Variants in FCHO1 observed in about 807,000 individuals in gnomAD.
The protein encoded by FCHO1 is F-BAR domain only protein 1.
A neutral mutation model predicts 114.4 loss-of-function variants in FCHO1; 45 were observed. The observed-to-expected ratio is 0.39, with a 90% CI of 0.31 to 0.50. The LOEUF is 0.50. Among genes scored for constraint, FCHO1 ranks in the 20% least tolerant of loss-of-function variants. The pLI is 0.77. For synonymous variants in FCHO1, 480 were observed against 488.9 expected, an observed-to-expected ratio of 0.98 and a Z score of 0.24; for missense variants, 1,042 against 1,209.6, an observed-to-expected ratio of 0.86 and a Z score of 2.06.
intron 23 of FCHO1, 136 bp from the exon 24 acceptor site, chr19:17,782,881 C>T (rs1179227634): frequency 2.1e-5 from 20 of 936,964 alleles, no homozygotes; most frequent in Middle Eastern, 4.6e-4. Flanking sequence ...GGAAAGGATA[C>T]GGGGGATCAT....
rs201279364 is a variant in FCHO1, at chr19:17,776,169, G to T, written c.1182+8G>T. The T allele has an allele frequency of 3.1e-6, 5 of 1,614,020 alleles. No homozygotes were observed. The Admixed American group carries it at 6.7e-5, about 22-fold the overall frequency. On this transcript the variant is annotated splice_region_variant and intron_variant, in intron 16 of 28. Transcript: ENST00000596536. This position sits in a 1 kb window ranked among gnomAD's most constrained non-coding sequence, Gnocchi z 4.4. ...CTTCCTCCTGGCCCAGGGGTGAGGC[G>T]TGGGAGGGGTGCCCTGGGTGTTGCT...
chr19:17,774,134 C>T, intron 11 of FCHO1, 105 bp from the exon 12 acceptor site: 2 of 1,039,872 alleles, frequency 1.9e-6, no homozygotes, highest in South Asian at 2.6e-5. Context: ...GTCTTGAACT[C>T]CTGACCTCAG....
chr19:17,771,658 G>A (rs557070661), intron 9 of FCHO1, among the ~76,000 whole-genome samples: 1 of 151,530 alleles, frequency 6.6e-6, no homozygotes, highest in Non-Finnish European at 1.5e-5. Context: ...GACAGAGCGA[G>A]ACTCTGTCTC....
In FCHO1 at chr19:17,787,785, G is replaced by C; in HGVS notation, c.2586G>C (p.Val862=). The C allele has an allele frequency of 1.2e-6, 2 of 1,612,918 alleles. No homozygotes were observed. Among genetic ancestry groups the C allele is most frequent in the Non-Finnish European group, 1.7e-6 (2 of 1,179,734 alleles). ...FTSEGTTLSG[V]DLELVGSGYR... ...GCGAGGGGACCACTCTGTCGGGCGT[G>C]GACTTGGAACTGGTGGGCAGCGGTT... Residue 862 remains valine, a synonymous_variant, in exon 28 of 29, where the codon GTG becomes GTC. Coordinates refer to ENST00000596536, the MANE Select transcript of FCHO1 (RefSeq NM_015122.3).
chr19:17,773,553 A>G (rs2092089150), intron 11 of FCHO1, among the ~76,000 whole-genome samples: 2 of 151,820 alleles, frequency 1.3e-5, no homozygotes, highest in Non-Finnish European at 2.9e-5. Context: ...CACACCTTCC[A>G]TGGCTCCCCA....
At chr19:17,780,161 CTT>C (rs11400972) in intron 20 of FCHO1, among the ~76,000 whole-genome samples, 1 of 103,394 alleles carries the variant, frequency 9.7e-6, no homozygotes, top group Non-Finnish European at 1.9e-5. Flanking sequence ...AGAAGAAGCT[CTT>C]TTTTTTTTTT....
At chr19:17,787,220 T>G in intron 27 of FCHO1, among the ~76,000 whole-genome samples, 1 of 73,952 alleles carries the variant, frequency 1.4e-5, no homozygotes, top group African/African-American at 6.2e-5. Flanking sequence ...CGAGACTCTG[T>G]CTCAAAAAAA....
chr19:17,786,233 T>C (rs1215969658), intron 26 of FCHO1, among the ~76,000 whole-genome samples: 1 of 151,948 alleles, frequency 6.6e-6, no homozygotes, highest in Non-Finnish European at 1.5e-5. Context: ...CTCAGGAGGC[T>C]GAGGGAGGAG....
intron 7 of FCHO1, among the ~76,000 whole-genome samples, chr19:17,768,449 T>C (rs1175635290): frequency 6.6e-6 from 1 of 151,892 alleles, no homozygotes; most frequent in Non-Finnish European, 1.5e-5. Flanking sequence ...CCCAGCACTT[T>C]GGGAAGTTGA....
intron 7 of FCHO1, 23 bp from the exon 8 acceptor site, chr19:17,770,402 T>G (rs1239819382): frequency 6.3e-7 from 1 of 1,589,340 alleles, no homozygotes; most frequent in African/African-American, 1.3e-5. Flanking sequence ...AGTCTACCCA[T>G]GAAATCCCCT....
At chr19:17,771,789 A>G (rs2091652260) in intron 9 of FCHO1, among the ~76,000 whole-genome samples, 1 of 152,176 alleles carries the variant, frequency 6.6e-6, no homozygotes, top group Admixed American at 6.6e-5. Flanking sequence ...GTGCTCAAAT[A>G]GTGCTGGCAG....
At chr19:17,781,843 G>A in intron 23 of FCHO1, 23 bp downstream of exon 23, 2 of 1,504,462 alleles carry the variant, frequency 1.3e-6, no homozygotes, top group Middle Eastern at 1.8e-4. Flanking sequence ...GGGCAGACAG[G>A]GCCCGTGGGA....
chr19:17,765,832 G>A (rs897348159), intron 6 of FCHO1, among the ~76,000 whole-genome samples: 2 of 151,484 alleles, frequency 1.3e-5, no homozygotes, highest in African/African-American at 4.9e-5. Flanking sequence ...CTTCTGCTGA[G>A]TGGGGCAGGC....
rs2093702262 is a variant in FCHO1, at chr19:17,784,562, GGAAACCTGGT to G, written c.2227-161_2227-152del. Among the ~76,000 whole-genome samples the G allele has an allele frequency of 6.6e-6, 1 of 152,164 alleles. No homozygotes were observed. Among genetic ancestry groups the G allele is most frequent in the Admixed American group, 6.5e-5 (1 of 15,270 alleles). On this transcript the variant is annotated intron_variant, in intron 25 of 28. Coordinates refer to ENST00000596536, the MANE Select transcript of FCHO1 (RefSeq NM_015122.3). The surrounding 1 kb of genome is among the most constrained non-coding windows in gnomAD (Gnocchi z 5.3). ...ATGAGGCGCTCTCCTGCCCCCTGCTGGAAACCTGGTGTAATACAGCCTCTCATCCATCAAA... is the reference window on the plus strand; with the variant it reads ...ATGAGGCGCTCTCCTGCCCCCTGCTGGTAATACAGCCTCTCATCCATCAAA...
chr19:17,778,529 G>A, intron 19 of FCHO1, 80 bp from the exon 20 acceptor site: 2 of 1,438,946 alleles, frequency 1.4e-6, no homozygotes, highest in South Asian at 1.4e-5. Flanking sequence ...TTCCCTCGAC[G>A]TGGCCGTGGC....
Position 17,784,590 on chromosome 19 carries a change from C to A in FCHO1, c.2227-135C>A. On this transcript the variant is annotated intron_variant, in intron 25 of 28. Transcript: ENST00000596536. The surrounding 1 kb of genome is among the most constrained non-coding windows in gnomAD (Gnocchi z 5.3). ...AACCTGGTGTAATACAGCCTCTCAT[C>A]CATCAAATCTCCCTGTGACTGGACC... is the stretch of plus-strand genomic sequence containing the variant. 1 of 839,892 alleles carries A rather than the reference C, an allele frequency of 1.2e-6. No individual in the cohort carries two copies. The highest frequency in any genetic ancestry group is 1.4e-5 in the South Asian group (1 of 68,976). The allele number at this position is 839,892 out of a possible 1,614,324, so 52.0% of individuals were successfully genotyped here.
chr19:17,780,931 CT>C (rs1409664853), intron 20 of FCHO1, among the ~76,000 whole-genome samples: 8 of 152,222 alleles, frequency 5.3e-5, no homozygotes, highest in African/African-American at 1.9e-4. Context: ...TAAAAATCCT[CT>C]GCTGAACCCC....
At chr19:17,756,926 T>C (rs979894603) in intron 4 of FCHO1, among the ~76,000 whole-genome samples, 2 of 152,086 alleles carry the variant, frequency 1.3e-5, no homozygotes, top group Non-Finnish European at 2.9e-5. Flanking sequence ...CAGTGGCTCA[T>C]GCCTGTAATC....
chr19:17,764,267 C>T lies in FCHO1; in HGVS notation c.120-108C>T, dbSNP rs962549496. ...AGTTGGCCAGGCTGGTCTTGAACTC[C>T]TAACCTCAGGTGATCCGTCCGCCTC... On this transcript the variant is annotated intron_variant, in intron 5 of 28. Transcript: ENST00000596536. The T allele has an allele frequency of 2.6e-5, 30 of 1,155,742 alleles. No individual in the cohort carries two copies. In the African/African-American group the frequency reaches 3.7e-4, roughly 14 times the overall value. 71.6% of individuals were successfully genotyped at this position (1,155,742 alleles called of 1,614,324 possible). A position where few individuals can be genotyped will look rare whatever the true frequency, so the allele number is the denominator to read the frequency against.
Sources: allele counts gnomAD v4.1 joint callset (sites outside exome capture counted in the v4.1 genomes callset), GRCh38; gene constraint gnomAD v4.1.1; non-coding constraint Gnocchi (gnomAD v3.1); transcripts MANE v1.5; gene names NCBI Gene and HGNC (gene_info 2026-07-23, HGNC 2026-07-21).